The following FRMD4A variants were observed in gnomAD, a reference collection of about 807,000 sequenced individuals.
FRMD4A encodes the protein FERM domain-containing protein 4A.
FRMD4A carries 29 observed loss-of-function variants against 129.1 expected under a neutral mutation model. That is an observed-to-expected ratio of 0.22 (90% CI 0.17 to 0.31). The LOEUF (loss-of-function observed/expected upper bound fraction) is 0.31. FRMD4A is among the 10% of genes least tolerant of loss of function. The pLI is 1.00. For synonymous variants in FRMD4A, 634 were observed against 571.6 expected (o/e 1.11, Z -1.56); for missense variants, 1,272 against 1,375.8 (o/e 0.92, Z 1.19).
intron 2 of FRMD4A, among the ~76,000 whole-genome samples, chr10:14,095,679 A>G (rs789761): frequency 0.51 from 78,039 of 152,124 alleles, 20,043 homozygotes; most frequent in East Asian, 0.62. Flanking sequence ...GATCGAATCC[A>G]CGTTCAATAG....
chr10:14,031,949 A>G lies in FRMD4A; in HGVS notation c.46-173037T>C, dbSNP rs554088672. Among the ~76,000 whole-genome samples, 14 of 151,912 alleles carry G rather than the reference A, an allele frequency of 9.2e-5. No homozygotes were observed. The East Asian group carries it at 2.5e-3, about 27-fold the overall frequency. ...AATGATGTTTAATCCCTTTAGAGTC[A>G]GCGGCCTTGGTTCTAAGAAATATTC... On this transcript the variant is annotated intron_variant, in intron 2 of 24. Coordinates refer to ENST00000357447, the MANE Select transcript of FRMD4A (RefSeq NM_018027.5).
At chr10:13,877,246 G>A (rs2094497633) in intron 2 of FRMD4A, among the ~76,000 whole-genome samples, 1 of 152,190 alleles carries the variant, frequency 6.6e-6, no homozygotes, top group African/African-American at 2.4e-5. Context: ...TATGAGGTTA[G>A]TATGTCCTGC....
intron 5 of FRMD4A, among the ~76,000 whole-genome samples, chr10:13,790,424 G>A (rs1202448255): frequency 6.6e-6 from 1 of 152,166 alleles, no homozygotes; most frequent in Non-Finnish European, 1.5e-5. Context: ...GTGGATGGGG[G>A]TGAAATCACA....
intron 2 of FRMD4A, among the ~76,000 whole-genome samples, chr10:14,146,623 G>A (rs899819954): frequency 2.6e-5 from 4 of 151,926 alleles, no homozygotes; most frequent in African/African-American, 9.7e-5. Context: ...TCCCAGAACT[G>A]CCTGACTTTT....
At chr10:14,067,385 G>A (rs1835113251) in intron 2 of FRMD4A, among the ~76,000 whole-genome samples, 1 of 151,902 alleles carries the variant, frequency 6.6e-6, no homozygotes, top group Non-Finnish European at 1.5e-5. Flanking sequence ...CAGTATAGAG[G>A]GGAACAGGAA....
In FRMD4A at chr10:13,743,446, T is replaced by G. The variant is rs551372028; in HGVS notation, c.549-2869A>C. ...AGCAACTCAGTGTAGATAGGGACCT[T>G]TTTCCTTTGCAGCACTAGGGAGAGA... On this transcript the variant is annotated intron_variant, in intron 9 of 24. Coordinates refer to ENST00000357447, the MANE Select transcript of FRMD4A (RefSeq NM_018027.5). Among the ~76,000 whole-genome samples, 73 of 152,162 alleles carry G rather than the reference T, an allele frequency of 4.8e-4. 1 individual carries two copies. The highest frequency in any genetic ancestry group is 1.6e-3 in the African/African-American group (68 of 41,506).
At chr10:13,924,449 A>T (rs1187316504) in intron 2 of FRMD4A, among the ~76,000 whole-genome samples, 2 of 146,440 alleles carry the variant, frequency 1.4e-5, no homozygotes, top group Non-Finnish European at 3.0e-5. Flanking sequence ...CCATGCTCCC[A>T]CCTCTAGGCC....
At chr10:13,781,095 G>A (rs12264353) in intron 6 of FRMD4A, among the ~76,000 whole-genome samples, 14,492 of 152,046 alleles carry the variant, frequency 0.095, 1,661 homozygotes, top group African/African-American at 0.27. Context: ...CTGAGCCCAG[G>A]AGTTTGAGAC....
intron 9 of FRMD4A, among the ~76,000 whole-genome samples, chr10:13,745,260 C>T (rs1294556249): frequency 6.6e-6 from 1 of 152,146 alleles, no homozygotes; most frequent in Non-Finnish European, 1.5e-5. Context: ...ATCAAGTAGC[C>T]AACCACAGTG....
intron 2 of FRMD4A, among the ~76,000 whole-genome samples, chr10:14,090,260 G>A (rs1836584480): frequency 6.6e-6 from 1 of 152,196 alleles, no homozygotes; most frequent in Non-Finnish European, 1.5e-5. Flanking sequence ...GTATTCACAG[G>A]GTACACAGAA....
chr10:14,054,588 A>T (rs1834420896), intron 2 of FRMD4A, among the ~76,000 whole-genome samples: 1 of 152,184 alleles, frequency 6.6e-6, no homozygotes, highest in Non-Finnish European at 1.5e-5. Flanking sequence ...GGCAGTGTCC[A>T]CTGAACAGGG....
At chr10:13,960,322 A>AT (rs2095438700) in intron 2 of FRMD4A, among the ~76,000 whole-genome samples, 1 of 152,190 alleles carries the variant, frequency 6.6e-6, no homozygotes, top group South Asian at 2.1e-4. Flanking sequence ...AGACGCTTTA[A>AT]TTTTTTGAGA....
At position 14,328,373 on chromosome 10, in the gene FRMD4A, G is replaced by GTT. The variant is rs888375819; in HGVS notation, c.45+1684_45+1685insAA. Among the ~76,000 whole-genome samples the GTT allele has an allele frequency of 4.9e-4, 60 of 122,092 alleles. 1 individual carries two copies. The highest frequency in any genetic ancestry group is 7.5e-4 in the Non-Finnish European group (44 of 59,056). 80.1% of individuals were successfully genotyped at this position (122,092 alleles called of 152,430 possible). ...GAGCCTGTGTGTGTGTGTGGGTGGGGGGGGGGGGTGTATAACAGCAGAAAT... is the reference window on the plus strand; with the variant it reads ...GAGCCTGTGTGTGTGTGTGGGTGGGGTTGGGGGGGGTGTATAACAGCAGAAAT... On this transcript the variant is annotated intron_variant, in intron 2 of 24. Transcript: ENST00000357447.
chr10:13,866,364 G>A (rs928844738), intron 2 of FRMD4A: 21 of 637,934 alleles, frequency 3.3e-5, no homozygotes, highest in Middle Eastern at 7.6e-4. Context: ...CTCTGACCCA[G>A]GCTGTTGTGT....
At chr10:13,879,028 T>G (rs1268463311) in intron 2 of FRMD4A, among the ~76,000 whole-genome samples, 1 of 152,232 alleles carries the variant, frequency 6.6e-6, no homozygotes, top group Non-Finnish European at 1.5e-5. Flanking sequence ...CAATTCCTGA[T>G]TGTGGTGATG....
At chr10:14,052,778 G>C (rs1322633054) in intron 2 of FRMD4A, among the ~76,000 whole-genome samples, 1 of 151,948 alleles carries the variant, frequency 6.6e-6, no homozygotes, top group Non-Finnish European at 1.5e-5. Context: ...TGGTCAGGCT[G>C]GTCTTGAACT....
intron 2 of FRMD4A, among the ~76,000 whole-genome samples, chr10:14,102,252 C>T (rs965208774): frequency 6.6e-6 from 1 of 152,174 alleles, no homozygotes; most frequent in Admixed American, 6.5e-5. Context: ...CTGGGCCAGA[C>T]ACGGTGACTC....
At chr10:14,268,345 C>A (rs1398613497) in intron 2 of FRMD4A, among the ~76,000 whole-genome samples, 1 of 152,184 alleles carries the variant, frequency 6.6e-6, no homozygotes, top group Non-Finnish European at 1.5e-5. Flanking sequence ...CACAACAATG[C>A]CCACGACAGA....
At chr10:13,823,064 G>A in intron 3 of FRMD4A, among the ~76,000 whole-genome samples, 1 of 152,136 alleles carries the variant, frequency 6.6e-6, no homozygotes, top group East Asian at 1.9e-4. Context: ...ATGCAGTCTG[G>A]TCCCTGTGTT....
Sources: allele counts gnomAD v4.1 joint callset (sites outside exome capture counted in the v4.1 genomes callset), GRCh38; gene constraint gnomAD v4.1.1; transcripts MANE v1.5; gene names NCBI Gene and HGNC (gene_info 2026-07-23, HGNC 2026-07-21).